IFT140: variants seen among roughly 807,000 people sequenced by gnomAD.
The protein encoded by IFT140 is intraflagellar transport protein 140 homolog.
A neutral mutation model predicts 164.6 loss-of-function variants in IFT140; 133 were observed. That is an observed-to-expected ratio of 0.81 (90% CI 0.70 to 0.93). The LOEUF (loss-of-function observed/expected upper bound fraction) is 0.93. Ranked by LOEUF, IFT140 falls within the 40% of genes least tolerant of loss-of-function variation. The pLI is 0.00. For synonymous variants in IFT140, 860 were observed against 817.3 expected, an observed-to-expected ratio of 1.05 and a Z score of -0.89; for missense variants, 2,045 against 1,972.3, an observed-to-expected ratio of 1.04 and a Z score of -0.70.
chr16:1,550,471 T>TAACAATAAA (rs2032542122), intron 19 of IFT140, among the ~76,000 whole-genome samples: 1 of 152,174 alleles, frequency 6.6e-6, no homozygotes, highest in Non-Finnish European at 1.5e-5. Context: ...AGAAAATAAA[T>TAACAATAAA]AACAATAAAA....
Position 1,523,812 on chromosome 16 carries a change from G to A in IFT140, c.3270+16C>T, listed in dbSNP as rs1482911649. 15 of 1,610,394 alleles carry A rather than the reference G, an allele frequency of 9.3e-6. No homozygotes were observed. The highest frequency in any genetic ancestry group is 8.0e-5 in the African/African-American group (6 of 74,906). On this transcript the variant is annotated intron_variant, in intron 25 of 30. Coordinates refer to ENST00000426508, the MANE Select transcript of IFT140 (RefSeq NM_014714.4). ...GCTGCCCCTCCCCCAGGTCCCCACC[G>A]GTGGCCAGCCCTCACCTTGTGGTAC...
Position 1,520,276 on chromosome 16 carries a change from T to C in IFT140, c.3728A>G (p.Gln1243Arg). The C allele has an allele frequency of 6.2e-7, 1 of 1,614,216 alleles. No homozygotes were observed. The highest frequency in any genetic ancestry group is 1.1e-5 in the South Asian group (1 of 91,088). ...KITFFASVSRQKEIYIMAANY... is the reference protein window; with the variant it reads ...KITFFASVSRRKEIYIMAANY... ...AGCAGCCATGATGTAGATTTCCTTCTGCCTGGACACGCTCGCGAAGAACGT... is the reference window on the plus strand; with the variant it reads ...AGCAGCCATGATGTAGATTTCCTTCCGCCTGGACACGCTCGCGAAGAACGT... The change falls in exon 28 of 31, where the codon CAG (glutamine) becomes CGG (arginine). Residue 1243 changes from glutamine to arginine, a missense_variant. Coordinates refer to ENST00000426508, the MANE Select transcript of IFT140 (RefSeq NM_014714.4).
chr16:1,512,216 G>A (rs2040188795), intron 30 of IFT140, among the ~76,000 whole-genome samples: 1 of 129,272 alleles, frequency 7.7e-6, no homozygotes, highest in Admixed American at 7.5e-5. Flanking sequence ...GGGGCAGGAT[G>A]GGGGGCAGGA....
chr16:1,592,655 GTCCTGGC>G, intron 4 of IFT140, 67 bp from the exon 5 acceptor site: 2 of 1,554,986 alleles, frequency 1.3e-6, no homozygotes, highest in Non-Finnish European at 8.7e-7. Flanking sequence ...AGGGACAGGT[GTCCTGGC>G]AGAGCGACTG....
chr16:1,593,109 T>C (rs1291603024), intron 4 of IFT140, among the ~76,000 whole-genome samples: 1 of 152,056 alleles, frequency 6.6e-6, no homozygotes, highest in Non-Finnish European at 1.5e-5. Context: ...GCAGAGTGAC[T>C]GGTGGAAGGC....
intron 13 of IFT140, chr16:1,576,631 T>A (rs1265485634): frequency 6.7e-6 from 1 of 150,332 alleles, no homozygotes; most frequent in African/African-American, 2.5e-5. Context: ...TTTTGGAGAT[T>A]TGTAACAATT....
intron 19 of IFT140, among the ~76,000 whole-genome samples, chr16:1,545,833 C>A (rs1423690662): frequency 6.6e-6 from 1 of 152,238 alleles, no homozygotes; most frequent in Non-Finnish European, 1.5e-5. Context: ...TGTTTCTGGG[C>A]TCAGTGCCAT....
chr16:1,512,635 T>C (rs1048448933), intron 30 of IFT140, among the ~76,000 whole-genome samples: 6 of 152,300 alleles, frequency 3.9e-5, no homozygotes, highest in African/African-American at 1.4e-4. Flanking sequence ...CGGAAAACTA[T>C]AGTTCTCCTA....
At chr16:1,601,774 G>A (rs1178951335) in intron 4 of IFT140, among the ~76,000 whole-genome samples, 1 of 152,232 alleles carries the variant, frequency 6.6e-6, no homozygotes, top group Non-Finnish European at 1.5e-5. Flanking sequence ...TGAGGAGACA[G>A]GACATGGCTC....
chr16:1,562,447 T>G (rs1281435441), intron 17 of IFT140, among the ~76,000 whole-genome samples: 2 of 152,166 alleles, frequency 1.3e-5, no homozygotes, highest in Non-Finnish European at 2.9e-5. Flanking sequence ...TTAAAAGTTC[T>G]CCCTCTTTGG....
chr16:1,589,716 A>C lies in IFT140; in HGVS notation c.699T>G (p.Ile233Met). The C allele has an allele frequency of 6.2e-7, 1 of 1,614,110 alleles. No individual in the cohort carries two copies. The highest frequency in any genetic ancestry group is 1.1e-5 in the South Asian group (1 of 91,086). Residue 233 changes from isoleucine (I) to methionine (M), a missense_variant, in exon 7 of 31, where the codon ATT (isoleucine) becomes ATG (methionine). Transcript: ENST00000426508. ...TTQVVSADST[I>M]QMLFYMEKRE... Reference sequence around the variant, plus strand: ...TCTTCTCCATGTAGAACAGCATCTGAATCGTGCTGTCTGCGGACACCACCT... The same window carrying C: ...TCTTCTCCATGTAGAACAGCATCTGCATCGTGCTGTCTGCGGACACCACCT...
chr16:1,563,871 C>A (rs2033563122), intron 17 of IFT140, 126 bp downstream of exon 17: 3 of 992,500 alleles, frequency 3.0e-6, no homozygotes, highest in Non-Finnish European at 4.2e-6. Flanking sequence ...AGCGTTCCCT[C>A]CCGCCTTGGC....
intron 4 of IFT140, among the ~76,000 whole-genome samples, chr16:1,599,630 G>T (rs112659780): frequency 1.8e-5 from 1 of 54,126 alleles, no homozygotes; most frequent in African/African-American, 1.1e-4. Context: ...CCGGCCAGCC[G>T]CCCCGTCCGG....
chr16:1,540,137 C>T (rs775723004), intron 19 of IFT140, among the ~76,000 whole-genome samples: 2 of 152,302 alleles, frequency 1.3e-5, no homozygotes, highest in Admixed American at 6.5e-5. Flanking sequence ...TAGACTGAGA[C>T]GATCCCACAC....
intron 13 of IFT140, among the ~76,000 whole-genome samples, chr16:1,576,524 G>A (rs1189931473): frequency 1.3e-5 from 2 of 151,244 alleles, no homozygotes; most frequent in South Asian, 2.1e-4. Flanking sequence ...CCCAGGAGGC[G>A]GAGCTTGCAG....
chr16:1,512,303 A>G (rs1417531611), intron 30 of IFT140, among the ~76,000 whole-genome samples: 1 of 151,734 alleles, frequency 6.6e-6, no homozygotes, highest in Non-Finnish European at 1.5e-5. Flanking sequence ...CAGCATCAGG[A>G]GGGTGTGTGC....
chr16:1,574,429 C>T (rs1311042909), intron 13 of IFT140, among the ~76,000 whole-genome samples: 1 of 152,104 alleles, frequency 6.6e-6, no homozygotes, highest in Non-Finnish European at 1.5e-5. Context: ...ATAGGTTTGC[C>T]ACCATGCCTG....
rs2034871223 is a variant in IFT140, at chr16:1,586,243, C to T, written c.1042G>A (p.Val348Ile). ...LLAAGTDRGRVAMWRKVPDFL... is the reference protein window; with the variant it reads ...LLAAGTDRGRIAMWRKVPDFL... ...TCTGGTACTTTCCTCCACATGGCTA[C>T]TCGCCCTCTGTCGGTACCAGCGGCC... Residue 348 changes from valine (V) to isoleucine (I), a missense_variant, in exon 10 of 31, where the codon GTA (valine) becomes ATA (isoleucine). Coordinates refer to ENST00000426508, the MANE Select transcript of IFT140 (RefSeq NM_014714.4). 6.2e-7 allele frequency: 1 copy of T among 1,614,018 alleles called. No individual in the cohort carries two copies. The highest frequency in any genetic ancestry group is 8.5e-7 in the Non-Finnish European group (1 of 1,179,982).
intron 19 of IFT140, among the ~76,000 whole-genome samples, chr16:1,550,819 CA>C (rs1176376063): frequency 1.3e-5 from 2 of 152,210 alleles, no homozygotes; most frequent in East Asian, 3.9e-4. Context: ...GCCAGTTCCC[CA>C]AGGAAAGTCA....
Sources: allele counts gnomAD v4.1 joint callset (sites outside exome capture counted in the v4.1 genomes callset), GRCh38; gene constraint gnomAD v4.1.1; transcripts MANE v1.5; gene names NCBI Gene and HGNC (gene_info 2026-07-23, HGNC 2026-07-21).